The following DNAJC13 variants were observed in gnomAD, a reference collection of about 807,000 sequenced individuals.
DNAJC13 encodes the protein DnaJ heat shock protein family (Hsp40) member C13.
In DNAJC13, 75 loss-of-function variants were observed where a neutral mutation model predicts 290.5. The ratio of observed to expected loss-of-function variants is 0.26; its 90% CI spans 0.21 to 0.31. DNAJC13 has a LOEUF of 0.31. DNAJC13 is among the 10% of genes least tolerant of loss of function. The probability of loss-of-function intolerance (pLI) is 1.00; values close to 1 mark genes in which losing one functional copy is unlikely to be tolerated. For missense variants in DNAJC13, 2,260 were observed against 2,674.5 expected, an observed-to-expected ratio of 0.85 and a Z score of 3.42; for synonymous variants, 862 against 892.0, an observed-to-expected ratio of 0.97 and a Z score of 0.60.
At chr3:132,505,817 G>A (rs372361636) in intron 42 of DNAJC13, among the ~76,000 whole-genome samples, 5 of 152,164 alleles carry the variant, frequency 3.3e-5, no homozygotes, top group East Asian at 1.9e-4. Context: ...AGTAGGATGG[G>A]CAATAAGGAG....
In DNAJC13 at chr3:132,513,043, A is replaced by G. The variant is rs1037775532; in HGVS notation, c.5329A>G (p.Ile1777Val). The change falls in exon 45 of 56, where the codon ATA becomes GTA. Residue 1777 changes from isoleucine to valine, a missense_variant. By Grantham distance (29) the Ile-to-Val change is conservative. Around this residue, in one of 3 missense-constraint regions of DNAJC13, gnomAD observed 1,494 missense variants for 1,693.7 expected, o/e 0.88. Transcript: ENST00000260818. ...ESECIGHFKL[I>V]FSLLRVHGAG... is the part of the protein sequence containing the mutation. ...TGAATGCATTGGGCACTTTAAGTTG[A>G]TATTTTCTCTTCTCCGAGTTCATGG... 2 of 1,613,372 alleles carry G rather than the reference A, an allele frequency of 1.2e-6. No homozygotes were observed. The highest frequency in any genetic ancestry group is 8.5e-7 in the Non-Finnish European group (1 of 1,179,446).
intron 40 of DNAJC13, among the ~76,000 whole-genome samples, chr3:132,502,670 G>A (rs1441179385): frequency 2.0e-5 from 3 of 152,060 alleles, no homozygotes; most frequent in Non-Finnish European, 2.9e-5. Context: ...TCCAGGCAAG[G>A]GAATTTGCAA....
intron 46 of DNAJC13, 46 bp downstream of exon 46, chr3:132,514,716 A>G (rs1158021366): frequency 7.1e-7 from 1 of 1,405,334 alleles, no homozygotes; most frequent in East Asian, 2.3e-5. Context: ...AGATTAGCCC[A>G]TGGAAAGGAG....
In DNAJC13 at chr3:132,500,862, G is replaced by A. The variant is rs772821980; in HGVS notation, c.4485G>A (p.Thr1495=). 50 of 1,613,914 alleles carry A rather than the reference G, an allele frequency of 3.1e-5. No homozygotes were observed. The highest frequency in any genetic ancestry group is 3.9e-5 in the Non-Finnish European group (46 of 1,179,960). The change falls in exon 39 of 56, where the codon ACG becomes ACA. Residue 1495 remains threonine (T), a synonymous_variant. Transcript: ENST00000260818. The part of the protein sequence containing the change: ...AQFEECREKI[T]EMPSIIKDLC... ...TTGAGGAATGCCGAGAGAAGATCACGGAAATGCCTAGCATCATCAAGGATC... is the reference window on the plus strand; with the variant it reads ...TTGAGGAATGCCGAGAGAAGATCACAGAAATGCCTAGCATCATCAAGGATC...
At chr3:132,422,022 T>A (rs559996986) in intron 1 of DNAJC13, among the ~76,000 whole-genome samples, 2 of 151,742 alleles carry the variant, frequency 1.3e-5, no homozygotes, top group Admixed American at 1.3e-4. Context: ...ACTTCTGGAC[T>A]TTTTTCTTTT....
intron 19 of DNAJC13, 118 bp from the exon 20 acceptor site, chr3:132,467,052 A>T: frequency 8.7e-7 from 1 of 1,150,398 alleles, no homozygotes; most frequent in Non-Finnish European, 1.2e-6. Flanking sequence ...TTGTTTCTTC[A>T]CTGAACCATA....
intron 25 of DNAJC13, 117 bp from the exon 26 acceptor site, chr3:132,480,252 C>T (rs890563521): frequency 1.4e-5 from 8 of 568,348 alleles, no homozygotes; most frequent in Admixed American, 3.3e-5. Flanking sequence ...GGACTCCAAA[C>T]ATTCTTTTCT....
intron 15 of DNAJC13, 58 bp from the exon 16 acceptor site, chr3:132,462,409 A>C: frequency 6.6e-7 from 1 of 1,517,188 alleles, no homozygotes; most frequent in Non-Finnish European, 9.1e-7. Flanking sequence ...TAACAGCTAA[A>C]TGTGTTGGAA....
intron 42 of DNAJC13, among the ~76,000 whole-genome samples, chr3:132,506,029 C>T (rs1294860391): frequency 7.4e-6 from 1 of 135,964 alleles, no homozygotes; most frequent in Non-Finnish European, 1.5e-5. Context: ...ACGGGTCTTA[C>T]ATGTCTGTAC....
At position 132,466,411 on chromosome 3, in the gene DNAJC13, C is replaced by A; in HGVS notation, c.2064+17C>A. ...ATAGCAATGGTAAATATGACTGTCC[C>A]AAGTGTGCCTTTTTTAGGAGTAAGG... is the stretch of plus-strand genomic sequence containing the variant. On this transcript the variant is annotated intron_variant, in intron 19 of 55. Transcript: ENST00000260818. The A allele has an allele frequency of 6.4e-7, 1 of 1,557,596 alleles. No homozygotes were observed. Among genetic ancestry groups the A allele is most frequent in the Non-Finnish European group, 8.6e-7 (1 of 1,158,904 alleles).
chr3:132,459,659 T>C (rs971015746), intron 13 of DNAJC13, among the ~76,000 whole-genome samples: 1 of 152,118 alleles, frequency 6.6e-6, no homozygotes, highest in Non-Finnish European at 1.5e-5. Flanking sequence ...ACATATTAGG[T>C]GTTGGCTTTG....
intron 1 of DNAJC13, among the ~76,000 whole-genome samples, chr3:132,419,487 G>C (rs987248312): frequency 6.6e-6 from 1 of 152,224 alleles, no homozygotes; most frequent in African/African-American, 2.4e-5. Context: ...CAGGTGGACT[G>C]TAACAATACT....
chr3:132,481,637 A>G (rs1359627962), intron 26 of DNAJC13, among the ~76,000 whole-genome samples: 1 of 152,224 alleles, frequency 6.6e-6, no homozygotes, highest in Non-Finnish European at 1.5e-5. Context: ...GACTACATAA[A>G]AATTTTAACC....
chr3:132,447,401 C>T lies in DNAJC13; in HGVS notation c.225C>T (p.Gly75=), dbSNP rs1326252940. 5.6e-6 allele frequency: 9 copies of T among 1,607,946 alleles called. No homozygotes were observed. Among genetic ancestry groups the T allele is most frequent in the Non-Finnish European group, 7.6e-6 (9 of 1,177,338 alleles). The change falls in exon 4 of 56, where the codon GGC becomes GGT. Residue 75 remains glycine, a synonymous_variant. Coordinates refer to ENST00000260818, the MANE Select transcript of DNAJC13 (RefSeq NM_015268.4). ...AGTTCAACCTCACATTTCGTAAAGG[C>T]AGTGGAAAAAAGTCAGAAACTTTAA... ...GTEFNLTFRK[G]SGKKSETLKF... is the part of the protein sequence containing the mutation.
At chr3:132,444,766 A>C (rs1933189802) in intron 2 of DNAJC13, among the ~76,000 whole-genome samples, 1 of 152,180 alleles carries the variant, frequency 6.6e-6, no homozygotes, top group South Asian at 2.1e-4. Context: ...AAGCCTTTGA[A>C]GTTTTGAAAC....
At chr3:132,446,016 A>T (rs149508057) in intron 2 of DNAJC13, among the ~76,000 whole-genome samples, 1 of 152,082 alleles carries the variant, frequency 6.6e-6, no homozygotes, top group Non-Finnish European at 1.5e-5. Flanking sequence ...AGTAGAAACT[A>T]TTAAGATTCC....
At chr3:132,515,194 A>G (rs1162923815) in intron 46 of DNAJC13, among the ~76,000 whole-genome samples, 1 of 152,154 alleles carries the variant, frequency 6.6e-6, no homozygotes, top group Non-Finnish European at 1.5e-5. Flanking sequence ...GCTAAAACCA[A>G]CCCTGAGATT....
At chr3:132,419,705 G>C (rs2107635524) in intron 1 of DNAJC13, among the ~76,000 whole-genome samples, 1 of 152,274 alleles carries the variant, frequency 6.6e-6, no homozygotes. Flanking sequence ...TTGAAACAAG[G>C]CTGTGCAGAT....
intron 46 of DNAJC13, among the ~76,000 whole-genome samples, chr3:132,515,712 T>G (rs1465452260): frequency 1.3e-5 from 2 of 152,230 alleles, no homozygotes; most frequent in Non-Finnish European, 2.9e-5. Flanking sequence ...ATAGCTGGCA[T>G]CCAGATATTT....
Sources: allele counts gnomAD v4.1 joint callset (sites outside exome capture counted in the v4.1 genomes callset), GRCh38; gene constraint gnomAD v4.1.1; regional missense constraint gnomAD v4.1.1; transcripts MANE v1.5; gene names NCBI Gene and HGNC (gene_info 2026-07-23, HGNC 2026-07-21).